Variants in CACNA1A observed in about 807,000 individuals in gnomAD.
CACNA1A encodes the protein calcium voltage-gated channel subunit alpha1 A, also known as voltage-dependent P/Q-type calcium channel subunit alpha-1A.
In CACNA1A, 57 loss-of-function variants were observed where a neutral mutation model predicts 262.4. The ratio of observed to expected loss-of-function variants is 0.22; its 90% CI spans 0.18 to 0.27. CACNA1A has a LOEUF of 0.27. Ranked by LOEUF, CACNA1A falls within the 10% of genes least tolerant of loss-of-function variation. The pLI is 1.00. For missense variants in CACNA1A, 2,526 were observed against 3,562.8 expected (o/e 0.71, Z 7.41); for synonymous variants, 1,431 against 1,419.3 (o/e 1.01, Z -0.18).
intron 1 of CACNA1A, among the ~76,000 whole-genome samples, chr19:13,457,500 G>GA (rs1385174806): frequency 1.3e-5 from 2 of 152,158 alleles, no homozygotes; most frequent in African/African-American, 4.8e-5. Context: ...ACCAGTGGGT[G>GA]AATGGATAAA....
chr19:13,419,612 G>C lies in CACNA1A; in HGVS notation c.539+33264C>G, dbSNP rs137971339. 2.7e-3 allele frequency among the ~76,000 whole-genome samples: 411 copies of C among 152,270 alleles called. 1 individual carries two copies. Among genetic ancestry groups the C allele is most frequent in the African/African-American group, 9.4e-3 (391 of 41,556 alleles). Reference sequence around the variant, plus strand: ...GGATCGCTTGAACCCAGGTGGTCGAGGCTGCAGTGAGCTGTTATCAGGCCA... The same window carrying C: ...GGATCGCTTGAACCCAGGTGGTCGACGCTGCAGTGAGCTGTTATCAGGCCA... On this transcript the variant is annotated intron_variant, in intron 3 of 46. Coordinates refer to ENST00000360228, the MANE Select transcript of CACNA1A (RefSeq NM_001127222.2).
rs746956691 is a variant in CACNA1A at position 13,286,834 on chromosome 19, G to A, written c.3222C>T (p.Ala1074=). The change falls in exon 20 of 47, where the codon GCC becomes GCT. Residue 1074 remains alanine, a synonymous_variant. Coordinates refer to ENST00000360228, the MANE Select transcript of CACNA1A (RefSeq NM_001127222.2). ...CGTGGGGAGCGGCCGACTCCGCGGT[G>A]GCCAGCTTGTTGTTCTTCATGTTGT... is the stretch of plus-strand genomic sequence containing the variant. ...DIDNMKNNKL[A]TAESAAPHGS... is the part of the protein sequence containing the mutation. The A allele has an allele frequency of 1.2e-6, 2 of 1,613,804 alleles. No individual in the cohort carries two copies. The highest frequency in any genetic ancestry group is 8.5e-7 in the Non-Finnish European group (1 of 1,179,864).
At chr19:13,355,146 G>A in intron 6 of CACNA1A, among the ~76,000 whole-genome samples, 1 of 152,124 alleles carries the variant, frequency 6.6e-6, no homozygotes, top group East Asian at 1.9e-4. Context: ...AAAGTGCTGG[G>A]ATTACAGGCG....
In CACNA1A at chr19:13,317,301, T is replaced by A; in HGVS notation, c.1366A>T (p.Ser456Cys). Residue 456 changes from serine (S) to cysteine (C), a missense_variant, in exon 11 of 47, where the codon AGC (serine) becomes TGC (cysteine). This residue lies in a region of CACNA1A where 104 missense variants were observed against 127.6 expected (regional missense o/e 0.81). Transcript: ENST00000360228. ...ASVGSPFARA[S>C]IKSAKLENST... ...TTCTCCAGCTTGGCACTTTTAATGC[T>A]GGCTCGGGCGAAGGGAGAACCTGCC... 1 of 1,606,274 alleles carries A rather than the reference T, an allele frequency of 6.2e-7. No homozygotes were observed. Among genetic ancestry groups the A allele is most frequent in the African/African-American group, 1.3e-5 (1 of 74,930 alleles).
chr19:13,322,106 G>A (rs1600326007), intron 10 of CACNA1A, among the ~76,000 whole-genome samples: 1 of 151,630 alleles, frequency 6.6e-6, no homozygotes, highest in African/African-American at 2.4e-5. Flanking sequence ...GGAGGCTGAG[G>A]TGGGAGGACG....
chr19:13,366,766 G>T (rs1356067766), intron 4 of CACNA1A, among the ~76,000 whole-genome samples: 1 of 151,924 alleles, frequency 6.6e-6, no homozygotes, highest in East Asian at 1.9e-4. Flanking sequence ...GCCAAGAGGC[G>T]GTGTCTTTTC....
intron 3 of CACNA1A, among the ~76,000 whole-genome samples, chr19:13,441,559 TG>T (rs1228071850): frequency 6.7e-6 from 1 of 149,692 alleles, no homozygotes; most frequent in Non-Finnish European, 1.5e-5. Context: ...CCCAGCTACT[TG>T]GGAGGCTGAG....
At chr19:13,388,406 C>T (rs1273904040) in intron 3 of CACNA1A, among the ~76,000 whole-genome samples, 2 of 151,832 alleles carry the variant, frequency 1.3e-5, no homozygotes, top group Non-Finnish European at 2.9e-5. Context: ...CAGGCACATG[C>T]CACCATGCCT....
At chr19:13,437,861 A>T (rs2060641048) in intron 3 of CACNA1A, among the ~76,000 whole-genome samples, 1 of 152,050 alleles carries the variant, frequency 6.6e-6, no homozygotes, top group Admixed American at 6.5e-5. Context: ...AGTGGGTAAC[A>T]TTTCAACAAA....
At chr19:13,501,718 A>G (rs77687131) in intron 1 of CACNA1A, among the ~76,000 whole-genome samples, 5,111 of 152,248 alleles carry the variant, frequency 0.034, 94 homozygotes, top group Non-Finnish European at 0.039. Flanking sequence ...CAGGAGCTGA[A>G]GCAGCACCTC....
At chr19:13,360,930 A>AT (rs886346025) in intron 5 of CACNA1A, among the ~76,000 whole-genome samples, 14 of 152,102 alleles carry the variant, frequency 9.2e-5, no homozygotes, top group African/African-American at 3.1e-4. Context: ...TTGTATTTGT[A>AT]TTTTTTTCAG....
At chr19:13,469,606 G>A (rs2061315734) in intron 1 of CACNA1A, among the ~76,000 whole-genome samples, 2 of 146,384 alleles carry the variant, frequency 1.4e-5, no homozygotes, top group East Asian at 2.1e-4. Flanking sequence ...CCGCCACCAC[G>A]CCTGGCTAAT....
At chr19:13,479,874 AGCCGTTGACAAACTCTG>A (rs879607250) in intron 1 of CACNA1A, among the ~76,000 whole-genome samples, 8 of 152,378 alleles carry the variant, frequency 5.3e-5, no homozygotes, top group Admixed American at 4.6e-4. Context: ...ATACTATACC[AGCCGTTGACAAACTCTG>A]GCCCATGGCT....
At chr19:13,433,279 C>G (rs184580990) in intron 3 of CACNA1A, among the ~76,000 whole-genome samples, 6 of 138,024 alleles carry the variant, frequency 4.3e-5, no homozygotes, top group African/African-American at 1.7e-4. Context: ...GGCTACAGTG[C>G]GAGACTCTGT....
At chr19:13,470,362 C>T (rs921234293) in intron 1 of CACNA1A, among the ~76,000 whole-genome samples, 2 of 152,160 alleles carry the variant, frequency 1.3e-5, no homozygotes, top group Admixed American at 1.3e-4. Context: ...CCCCAGGCTG[C>T]CAAATCCCAG....
chr19:13,309,106 T>C (rs113865568), intron 12 of CACNA1A, among the ~76,000 whole-genome samples: 23,213 of 152,066 alleles, frequency 0.15, 1,839 homozygotes, highest in East Asian at 0.28. Context: ...CCTCCCAGGT[T>C]CAAGCGATTC....
chr19:13,351,666 C>A (rs1159429992), intron 6 of CACNA1A, among the ~76,000 whole-genome samples: 3 of 152,148 alleles, frequency 2.0e-5, no homozygotes, highest in Admixed American at 1.3e-4. Context: ...TGTGCCACCA[C>A]GCCTGGCTAA....
intron 3 of CACNA1A, among the ~76,000 whole-genome samples, chr19:13,449,724 G>C (rs2060880860): frequency 6.6e-6 from 1 of 152,120 alleles, no homozygotes; most frequent in Non-Finnish European, 1.5e-5. Context: ...TATATACTTA[G>C]GCAGCCAAAG....
chr19:13,281,359 CAG>C (rs1202347696), intron 22 of CACNA1A, among the ~76,000 whole-genome samples: 3 of 129,974 alleles, frequency 2.3e-5, no homozygotes, highest in Non-Finnish European at 4.7e-5. Context: ...ACCTGGGCGA[CAG>C]AGAGAGACAT....
Sources: gnomAD v4.1 joint callset for allele counts (sites outside exome capture counted in the v4.1 genomes callset) on GRCh38, gnomAD v4.1.1 for gene constraint, gnomAD v4.1.1 regional missense constraint, MANE v1.5 for transcripts, NCBI Gene and HGNC (gene_info 2026-07-23, HGNC 2026-07-21) for gene names.